MTSS2: variants seen among roughly 807,000 people sequenced by gnomAD.
MTSS2 encodes protein MTSS 2.
MTSS2 carries 27 observed loss-of-function variants against 67.1 expected under a neutral mutation model. That is an observed-to-expected ratio of 0.40 (90% CI 0.30 to 0.55). MTSS2 has a LOEUF of 0.55. MTSS2 is among the 20% of genes least tolerant of loss of function. The probability of loss-of-function intolerance (pLI) is 0.43; values close to 1 mark genes in which losing one functional copy is unlikely to be tolerated. For synonymous variants in MTSS2, 624 were observed against 468.6 expected, an observed-to-expected ratio of 1.33 and a Z score of -4.28; for missense variants, 1,171 against 1,067.8, an observed-to-expected ratio of 1.10 and a Z score of -1.35.
At chr16:70,680,722 CCCCTA>C in intron 3 of MTSS2, 67 bp downstream of exon 3, 1 of 1,357,114 alleles carries the variant, frequency 7.4e-7, no homozygotes, top group South Asian at 1.3e-5. Flanking sequence ...CCTGGCCCAT[CCCCTA>C]CTCTTCCTTT....
rs367803267 is a variant in MTSS2 at position 70,663,793 on chromosome 16, G to C, written c.2128C>G (p.Pro710Ala). 1 of 1,521,054 alleles carries C rather than the reference G, an allele frequency of 6.6e-7. No homozygotes were observed. Among genetic ancestry groups the C allele is most frequent in the Non-Finnish European group, 8.8e-7 (1 of 1,135,744 alleles). 94.2% of individuals were successfully genotyped at this position (1,521,054 alleles called of 1,614,324 possible). A position where few individuals can be genotyped will look rare whatever the true frequency, so the allele number is the denominator to read the frequency against. Residue 710 changes from proline to alanine, a missense_variant, in exon 15 of 15, where the codon CCA (proline) becomes GCA (alanine). Coordinates refer to ENST00000338779, the MANE Select transcript of MTSS2 (RefSeq NM_138383.3). ...GGGTCGCTGGTGGCGGCTGGGGGTG[G>C]GGTGGGCGTCTCCTCCGTGGGGGTG... ...SATPTEETPTPPPAATSDPPA... is the reference protein window; with the variant it reads ...SATPTEETPTAPPAATSDPPA...
chr16:70,680,894 G>C (rs1205001132), intron 2 of MTSS2, 27 bp from the exon 3 acceptor site: 2 of 1,550,978 alleles, frequency 1.3e-6, no homozygotes, highest in Non-Finnish European at 1.7e-6. Flanking sequence ...CGGCATGGAT[G>C]GTCGGTGGTT....
chr16:70,667,031 T>G (rs2052739220), intron 11 of MTSS2, among the ~76,000 whole-genome samples: 1 of 151,982 alleles, frequency 6.6e-6, no homozygotes, highest in South Asian at 2.1e-4. Flanking sequence ...ATCCCAGCAC[T>G]TTGGGAGGCT....
intron 2 of MTSS2, 46 bp downstream of exon 2, chr16:70,680,918 G>GGGGGGGGGGGGGGGGGGGCCCCC: frequency 9.1e-7 from 1 of 1,097,904 alleles, no homozygotes; most frequent in Non-Finnish European, 1.3e-6. Flanking sequence ...CGGGGGGGGG[G>GGGGGGGGGGGGGGGGGGGCCCCC]CCTCTGCCTG....
At chr16:70,665,417 T>C (rs2052675630) in intron 12 of MTSS2, 49 bp downstream of exon 12, 2 of 1,518,690 alleles carry the variant, frequency 1.3e-6, no homozygotes, top group African/African-American at 1.4e-5. Flanking sequence ...AGGGCATGGA[T>C]GGGAGGGGCA....
chr16:70,664,900 G>T lies in MTSS2; in HGVS notation c.1305+20C>A. 5.2e-6 allele frequency: 8 copies of T among 1,530,618 alleles called. No individual in the cohort carries two copies. The highest frequency in any genetic ancestry group is 5.3e-6 in the Non-Finnish European group (6 of 1,142,328). The allele number at this position is 1,530,618 out of a possible 1,614,324, so 94.8% of individuals were successfully genotyped here. ...TCCTGGGACTGACCTGGGCGTGAAG[G>T]GGGGCCCTGGCCAGCCTACCTTGGC... On this transcript the variant is annotated intron_variant, in intron 13 of 14. Transcript: ENST00000338779.
chr16:70,665,216 A>G (rs1393513888), intron 12 of MTSS2, 120 bp from the exon 13 acceptor site: 1 of 1,207,626 alleles, frequency 8.3e-7, no homozygotes, highest in Non-Finnish European at 1.1e-6. Flanking sequence ...CTGGTTCGCA[A>G]TCACAGCCAA....
At chr16:70,680,902 G>T in intron 2 of MTSS2, 35 bp from the exon 3 acceptor site, 2 of 1,533,288 alleles carry the variant, frequency 1.3e-6, no homozygotes, top group East Asian at 4.7e-5. Flanking sequence ...ATGGTCGGTG[G>T]TTGGGCGGGG....
chr16:70,675,681 G>C (rs1310833060), intron 10 of MTSS2, among the ~76,000 whole-genome samples: 1 of 152,196 alleles, frequency 6.6e-6, no homozygotes, highest in Non-Finnish European at 1.5e-5. Context: ...CTCCCGAACT[G>C]CTGGGATTAC....
At chr16:70,678,119 G>T in intron 8 of MTSS2, 133 bp downstream of exon 8, 1 of 1,229,616 alleles carries the variant, frequency 8.1e-7, no homozygotes. Context: ...TATGAGACCT[G>T]CCTTTGGGCC....
At chr16:70,674,240 G>A in intron 11 of MTSS2, 66 bp downstream of exon 11, 1 of 1,464,702 alleles carries the variant, frequency 6.8e-7, no homozygotes. Flanking sequence ...CCCGCATGTG[G>A]CTTGCCTGAT....
At chr16:70,672,129 C>T (rs1224980645) in intron 11 of MTSS2, among the ~76,000 whole-genome samples, 1 of 152,086 alleles carries the variant, frequency 6.6e-6, no homozygotes, top group Non-Finnish European at 1.5e-5. Flanking sequence ...GGGCAGATCA[C>T]CTGAGGTCAG....
chr16:70,681,687 C>T (rs1342989483), intron 1 of MTSS2, among the ~76,000 whole-genome samples: 1 of 152,264 alleles, frequency 6.6e-6, no homozygotes, highest in African/African-American at 2.4e-5. Context: ...CACCTTTCTC[C>T]ACCCCCTGCT....
chr16:70,667,412 GAAAAA>G (rs2052757565), intron 11 of MTSS2, among the ~76,000 whole-genome samples: 1 of 150,548 alleles, frequency 6.6e-6, no homozygotes, highest in African/African-American at 2.4e-5. Context: ...AACAAAATCC[GAAAAA>G]GATCAATCAC....
At chr16:70,679,471 G>A (rs947267108) in intron 6 of MTSS2, 148 bp from the exon 7 acceptor site, 7 of 1,244,228 alleles carry the variant, frequency 5.6e-6, no homozygotes, top group Non-Finnish European at 7.9e-6. Context: ...GGTTTGGGGG[G>A]AAGGGCAGCT....
intron 4 of MTSS2, 22 bp from the exon 5 acceptor site, chr16:70,679,899 G>A (rs781288938): frequency 5.1e-6 from 8 of 1,574,370 alleles, no homozygotes; most frequent in East Asian, 2.3e-5. Flanking sequence ...GGGCGGGAGC[G>A]CAGGTCAGGG....
chr16:70,670,933 G>A (rs2052910289), intron 11 of MTSS2, among the ~76,000 whole-genome samples: 1 of 135,618 alleles, frequency 7.4e-6, no homozygotes, highest in Non-Finnish European at 1.5e-5. Context: ...TTGTGCCACT[G>A]CACTCCAGCC....
chr16:70,683,886 T>G (rs2053376939), intron 1 of MTSS2, among the ~76,000 whole-genome samples: 2 of 152,208 alleles, frequency 1.3e-5, no homozygotes, highest in South Asian at 4.1e-4. Context: ...TCTCTGCCCC[T>G]GGTCATGGCC....
At position 70,664,036 on chromosome 16, in the gene MTSS2, C is replaced by T; in HGVS notation, c.1885G>A (p.Asp629Asn). The T allele has an allele frequency of 6.2e-7, 1 of 1,608,766 alleles. No homozygotes were observed. Among genetic ancestry groups the T allele is most frequent in the Non-Finnish European group, 8.5e-7 (1 of 1,178,316 alleles). Residue 629 changes from aspartate to asparagine, a missense_variant, in exon 15 of 15, where the codon GAC becomes AAC. Around this residue, in one of 2 missense-constraint regions of MTSS2, gnomAD observed 924 missense variants for 756.0 expected, o/e 1.22. Coordinates refer to ENST00000338779, the MANE Select transcript of MTSS2 (RefSeq NM_138383.3). ...TDETASPLAP[D>N]LAKASPKRLS... ...CTCTTTGGGGAGGCCTTGGCGAGGT[C>T]CGGTGCCAGGGGTGAGGCGGTCTCG... is the stretch of plus-strand genomic sequence containing the variant.
Sources: gnomAD v4.1 joint callset for allele counts (sites outside exome capture counted in the v4.1 genomes callset) on GRCh38, gnomAD v4.1.1 for gene constraint, gnomAD v4.1.1 regional missense constraint, MANE v1.5 for transcripts, NCBI Gene and HGNC (gene_info 2026-07-23, HGNC 2026-07-21) for gene names.